ZNF33B: variants seen among roughly 807,000 people sequenced by gnomAD.
ZNF33B encodes the protein zinc finger protein 11b (KOX 2).
In ZNF33B, 29 loss-of-function variants were observed where a neutral mutation model predicts 45.8. The ratio of observed to expected loss-of-function variants is 0.63; its 90% CI spans 0.47 to 0.86. The LOEUF (loss-of-function observed/expected upper bound fraction) is 0.86. Among genes scored for constraint, ZNF33B ranks in the 40% least tolerant of loss-of-function variants. The pLI is 0.00. For synonymous variants in ZNF33B, 305 were observed against 307.8 expected (o/e 0.99, Z 0.10); for missense variants, 831 against 909.9 (o/e 0.91, Z 1.12).
chr10:42,605,861 T>C (rs1321216036), intron 4 of ZNF33B, among the ~76,000 whole-genome samples: 1 of 152,082 alleles, frequency 6.6e-6, no homozygotes, highest in Non-Finnish European at 1.5e-5. Flanking sequence ...TTTGGGAGGC[T>C]GAAGCAGGAG....
intron 4 of ZNF33B, among the ~76,000 whole-genome samples, chr10:42,597,763 T>C (rs1381484317): frequency 6.6e-6 from 1 of 152,162 alleles, no homozygotes. Flanking sequence ...TTGGTATATA[T>C]AGACAAAGAC....
chr10:42,613,567 GAAAC>G (rs2031231222), intron 4 of ZNF33B, among the ~76,000 whole-genome samples: 2 of 150,744 alleles, frequency 1.3e-5, no homozygotes, highest in African/African-American at 4.9e-5. Flanking sequence ...AAAAAGGAAA[GAAAC>G]TAAATAGATG....
chr10:42,586,340 G>A (rs533011067), downstream of ZNF33B, among the ~76,000 whole-genome samples: 41 of 152,040 alleles, frequency 2.7e-4, no homozygotes, highest in Admixed American at 3.3e-4. Context: ...TAGTAGAGAC[G>A]GGGTTTCACC....
rs770383542 is a variant in ZNF33B at position 42,592,636 on chromosome 10, T to C, written c.2314A>G (p.Ile772Val). The C allele has an allele frequency of 2.5e-6, 4 of 1,613,582 alleles. No individual in the cohort carries two copies. The highest frequency in any genetic ancestry group is 3.4e-6 in the Non-Finnish European group (4 of 1,179,702). ...SNLIVHQRTHIGEKPYE is the reference protein window; with the variant it reads ...SNLIVHQRTHVGEKPYE Reference sequence around the variant, plus strand: ...ATTCATTCATAAGGTTTTTCTCCTATGTGTGTTCTCTGATGTACAATGAGA... The same window carrying C: ...ATTCATTCATAAGGTTTTTCTCCTACGTGTGTTCTCTGATGTACAATGAGA... Residue 772 changes from isoleucine to valine, a missense_variant, in exon 5 of 5, where the codon ATA becomes GTA. Physicochemically the swap from Ile to Val is conservative, Grantham distance 29. Transcript: ENST00000359467.
downstream of ZNF33B, among the ~76,000 whole-genome samples, chr10:42,584,712 G>T (rs373396939): frequency 1.3e-5 from 2 of 152,106 alleles, no homozygotes; most frequent in East Asian, 3.9e-4. Context: ...GTAGAGACAG[G>T]GTTTTACCAT....
intron 1 of ZNF33B, chr10:42,582,779 C>T (rs536779143): frequency 7.4e-5 from 15 of 201,642 alleles, no homozygotes; most frequent in East Asian, 2.4e-4. Flanking sequence ...GCAGTGTGGA[C>T]GCTCCTCGGG....
chr10:42,625,566 G>A (rs1300341032), intron 4 of ZNF33B, among the ~76,000 whole-genome samples: 2 of 152,022 alleles, frequency 1.3e-5, no homozygotes, highest in East Asian at 3.9e-4. Context: ...CACAATCTCC[G>A]CCTCCTGGGT....
intron 4 of ZNF33B, among the ~76,000 whole-genome samples, chr10:42,597,236 C>A (rs1837436035): frequency 6.6e-6 from 1 of 151,108 alleles, no homozygotes; most frequent in South Asian, 2.1e-4. Flanking sequence ...ATTGATGGGG[C>A]CAGTGCAAAA....
At chr10:42,581,128 C>T (rs987804487) in intron 1 of ZNF33B, among the ~76,000 whole-genome samples, 2 of 151,986 alleles carry the variant, frequency 1.3e-5, no homozygotes, top group African/African-American at 2.4e-5. Context: ...CAAGTGAAGA[C>T]GTATTTCCTT....
downstream of ZNF33B, among the ~76,000 whole-genome samples, chr10:42,585,637 G>C (rs1836918678): frequency 6.6e-6 from 1 of 152,174 alleles, no homozygotes; most frequent in Non-Finnish European, 1.5e-5. Flanking sequence ...TAAACATGTA[G>C]ACAGAGAACA....
rs1188790482 is a variant in ZNF33B, at chr10:42,589,666, C to T, written c.*2947G>A. The T allele has an allele frequency of 6.6e-6, 1 of 152,160 alleles. No individual in the cohort carries two copies. The highest frequency in any genetic ancestry group is 1.5e-5 in the Non-Finnish European group (1 of 68,036). The allele number at this position is 152,160 out of a possible 1,614,324, so 9.4% of individuals were successfully genotyped here. On this transcript the variant is annotated 3_prime_UTR_variant, in exon 5 of 5. Coordinates refer to ENST00000359467, the MANE Select transcript of ZNF33B (RefSeq NM_006955.3). ...ATACCTGAGGACTACATTCTACAAC[C>T]CTGCTATAATTGCTTATTAATGTCA... is the stretch of plus-strand genomic sequence containing the variant.
At chr10:42,619,653 A>T (rs1324242334) in intron 4 of ZNF33B, among the ~76,000 whole-genome samples, 1 of 152,204 alleles carries the variant, frequency 6.6e-6, no homozygotes, top group Non-Finnish European at 1.5e-5. Flanking sequence ...TTAAAAGACA[A>T]ATGGATAAGA....
At chr10:42,610,253 C>T (rs533722255) in intron 4 of ZNF33B, among the ~76,000 whole-genome samples, 5 of 152,192 alleles carry the variant, frequency 3.3e-5, no homozygotes, top group East Asian at 1.9e-4. Flanking sequence ...AAAAGAATTC[C>T]GGCCAGGCAT....
rs561268897 is a variant in ZNF33B at position 42,592,678 on chromosome 10, A to C, written c.2272T>G (p.Phe758Val). 6.2e-7 allele frequency: 1 copy of C among 1,614,040 alleles called. No homozygotes were observed. Among genetic ancestry groups the C allele is most frequent in the South Asian group, 1.1e-5 (1 of 91,074 alleles). ...ACAATGAGATTTGACTTTTGAGAGAAGGTTTTCCTGCATGTGTTACATTCA... is the reference window on the plus strand; with the variant it reads ...ACAATGAGATTTGACTTTTGAGAGACGGTTTTCCTGCATGTGTTACATTCA... ...PYECNTCRKT[F>V]SQKSNLIVHQ... Residue 758 changes from phenylalanine (F) to valine (V), a missense_variant, in exon 5 of 5, where the codon TTC becomes GTC. Physicochemically the swap from Phe to Val is conservative, Grantham distance 50. Coordinates refer to ENST00000359467, the MANE Select transcript of ZNF33B (RefSeq NM_006955.3).
chr10:42,593,947 C>T lies in ZNF33B; in HGVS notation c.1003G>A (p.Gly335Arg). 1 of 1,614,028 alleles carries T rather than the reference C, an allele frequency of 6.2e-7. No individual in the cohort carries two copies. Among genetic ancestry groups the T allele is most frequent in the Non-Finnish European group, 8.5e-7 (1 of 1,179,938 alleles). The change falls in exon 5 of 5, where the codon GGG (glycine) becomes AGG (arginine). Residue 335 changes from glycine to arginine, a missense_variant. Transcript: ENST00000359467. ...GEKHFECNECGKAFWEKSHLT... is the reference protein window; with the variant it reads ...GEKHFECNECRKAFWEKSHLT... Reference sequence around the variant, plus strand: ...TGTGACTTCTCCCAGAAAGCTTTCCCACATTCATTACATTCAAAGTGTTTC... The same window carrying T: ...TGTGACTTCTCCCAGAAAGCTTTCCTACATTCATTACATTCAAAGTGTTTC...
At chr10:42,602,238 C>A (rs1837660319) in intron 4 of ZNF33B, among the ~76,000 whole-genome samples, 1 of 151,772 alleles carries the variant, frequency 6.6e-6, no homozygotes, top group East Asian at 1.9e-4. Context: ...ATGTATTTTT[C>A]ATCTCAAGCA....
intron 4 of ZNF33B, among the ~76,000 whole-genome samples, chr10:42,629,442 A>C (rs572559741): frequency 6.6e-6 from 1 of 152,322 alleles, no homozygotes; most frequent in South Asian, 2.1e-4. Context: ...AAGTGACTAA[A>C]AGAGTGTAAC....
chr10:42,580,017 G>A (rs974137428), intron 1 of ZNF33B, among the ~76,000 whole-genome samples: 1 of 152,200 alleles, frequency 6.6e-6, no homozygotes, highest in Non-Finnish European at 1.5e-5. Flanking sequence ...TGTATTCACT[G>A]ATGGAGGAAG....
chr10:42,583,199 G>A, intron 1 of ZNF33B: 1 of 719,188 alleles, frequency 1.4e-6, no homozygotes, highest in South Asian at 1.4e-5. Context: ...TGGCCTGAAA[G>A]CCCTCTTTTC....
Sources: allele counts gnomAD v4.1 joint callset (sites outside exome capture counted in the v4.1 genomes callset), GRCh38; gene constraint gnomAD v4.1.1; transcripts MANE v1.5; gene names NCBI Gene and HGNC (gene_info 2026-07-23, HGNC 2026-07-21).